Variants in SKP2 observed in about 807,000 individuals in gnomAD.
SKP2 encodes the protein S-phase kinase associated protein 2.
Under a neutral mutation model 51.8 loss-of-function variants are expected in SKP2, and 16 were observed. The observed-to-expected ratio is 0.31, with a 90% confidence interval of 0.21 to 0.47. The LOEUF (loss-of-function observed/expected upper bound fraction) is 0.47, where lower values mean the gene tolerates loss of function less well. Ranked by LOEUF, SKP2 falls within the 20% of genes least tolerant of loss-of-function variation. The pLI is 1.00. For synonymous variants in SKP2, 176 were observed against 198.6 expected, an observed-to-expected ratio of 0.89 and a Z score of 0.96; for missense variants, 377 against 505.3, an observed-to-expected ratio of 0.75 and a Z score of 2.43.
At chr5:36,192,234 T>C (rs1746044142) in intron 6 of SKP2, among the ~76,000 whole-genome samples, 1 of 152,178 alleles carries the variant, frequency 6.6e-6, no homozygotes, top group Admixed American at 6.5e-5. Context: ...AAGTCAAGAA[T>C]AAAATGCCTT....
Position 36,184,054 on chromosome 5 carries a change from C to A in SKP2, c.*2023C>A. On this transcript the variant is annotated 3_prime_UTR_variant, in exon 10 of 10. Transcript: ENST00000274255. ...ATGAGTGCTTAAACTAAGTTGTATT[C>A]CTTTTTTCTTTCTCTTTTTTTAAGT... is the stretch of plus-strand genomic sequence containing the variant. The A allele has an allele frequency of 9.8e-7, 1 of 1,018,296 alleles. No homozygotes were observed. The highest frequency in any genetic ancestry group is 1.5e-6 in the Non-Finnish European group (1 of 688,066). The allele number at this position is 1,018,296 out of a possible 1,614,324, so 63.1% of individuals were successfully genotyped here.
intron 3 of SKP2, among the ~76,000 whole-genome samples, chr5:36,164,252 GA>G (rs1200885426): frequency 6.6e-6 from 1 of 152,172 alleles, no homozygotes; most frequent in East Asian, 1.9e-4. Flanking sequence ...TTATGAGGAG[GA>G]AACCACTGGT....
downstream of SKP2, among the ~76,000 whole-genome samples, chr5:36,188,725 G>A (rs925578441): frequency 6.6e-6 from 1 of 152,066 alleles, no homozygotes; most frequent in Non-Finnish European, 1.5e-5. Flanking sequence ...TGCTCTTCTC[G>A]AGGAGTTTCT....
At chr5:36,155,593 TTTAATA>T (rs1289519865) in intron 2 of SKP2, among the ~76,000 whole-genome samples, 1 of 152,232 alleles carries the variant, frequency 6.6e-6, no homozygotes, top group African/African-American at 2.4e-5. Context: ...ATCTTTTGTT[TTTAATA>T]TTGTTACTCT....
At chr5:36,156,217 G>A (rs1381923776) in intron 2 of SKP2, among the ~76,000 whole-genome samples, 2 of 152,182 alleles carry the variant, frequency 1.3e-5, no homozygotes, top group East Asian at 3.9e-4. Flanking sequence ...TGCAGGATGA[G>A]GGACAGCTGG....
chr5:36,157,935 A>G (rs1745004492), intron 2 of SKP2, among the ~76,000 whole-genome samples: 1 of 152,234 alleles, frequency 6.6e-6, no homozygotes, highest in Non-Finnish European at 1.5e-5. Context: ...AAACTCTCCA[A>G]CAAGGCCCTC....
At chr5:36,159,323 C>T (rs1438753144) in intron 2 of SKP2, among the ~76,000 whole-genome samples, 2 of 152,204 alleles carry the variant, frequency 1.3e-5, no homozygotes, top group Admixed American at 1.3e-4. Flanking sequence ...GCTGCTACTG[C>T]TCTTTTAATT....
chr5:36,192,831 G>T (rs1746066848), intron 7 of SKP2: 1 of 152,092 alleles, frequency 6.6e-6, no homozygotes, highest in African/African-American at 2.4e-5. Flanking sequence ...GTGAAAACTA[G>T]TTTTCAAATA....
intron 3 of SKP2, 106 bp from the exon 4 acceptor site, chr5:36,166,413 C>T: frequency 1.1e-6 from 1 of 921,082 alleles, no homozygotes; most frequent in South Asian, 1.7e-5. Context: ...TTAGAATATG[C>T]TTCAAGGAGA....
At chr5:36,180,139 C>T (rs186713221) in intron 9 of SKP2, 95 of 519,738 alleles carry the variant, frequency 1.8e-4, no homozygotes, top group African/African-American at 1.8e-3. Context: ...TCTTACTCCA[C>T]CTACAGTTTC....
Position 36,182,442 on chromosome 5 carries a change from G to C in SKP2, c.*411G>C. The C allele has an allele frequency of 1.0e-6, 1 of 991,608 alleles. No homozygotes were observed. Among genetic ancestry groups the C allele is most frequent in the Non-Finnish European group, 1.2e-6 (1 of 832,184 alleles). 61.4% of individuals were successfully genotyped at this position (991,608 alleles called of 1,614,324 possible). A position where few individuals can be genotyped will look rare whatever the true frequency, so the allele number is the denominator to read the frequency against. ...TTAATTTTATAGTATTGCTTTATAAGACAGCTTAGAAGAACAATAAGCTAT... is the reference window on the plus strand; with the variant it reads ...TTAATTTTATAGTATTGCTTTATAACACAGCTTAGAAGAACAATAAGCTAT... On this transcript the variant is annotated 3_prime_UTR_variant, in exon 10 of 10. Coordinates refer to ENST00000274255, the MANE Select transcript of SKP2 (RefSeq NM_005983.4).
In SKP2 at chr5:36,152,907, G is replaced by C. The variant is rs769832982; in HGVS notation, c.145G>C (p.Glu49Gln). The stretch of plus-strand genomic sequence containing the variant: ...CCTGGAGAAAGAGGAGCCCGACAGT[G>C]AGAACATCCCCCAGGAACTGCTCTC... ...SALEKEEPDS[E>Q]NIPQELLSNL... is the part of the protein sequence containing the mutation. The change falls in exon 2 of 10, where the codon GAG becomes CAG. Residue 49 changes from glutamate to glutamine, a missense_variant. This residue lies in a region of SKP2 where 115 missense variants were observed against 115.5 expected (regional missense o/e 1.00). Transcript: ENST00000274255. The C allele has an allele frequency of 6.2e-7, 1 of 1,614,120 alleles. No individual in the cohort carries two copies.
chr5:36,160,751 G>A (rs1455279151), intron 2 of SKP2, among the ~76,000 whole-genome samples: 1 of 152,196 alleles, frequency 6.6e-6, no homozygotes, highest in Non-Finnish European at 1.5e-5. Context: ...CAGGGCAAGA[G>A]CCTGGTTTGA....
intron 7 of SKP2, among the ~76,000 whole-genome samples, chr5:36,172,964 A>G (rs1318731960): frequency 6.6e-6 from 1 of 152,172 alleles, no homozygotes; most frequent in Admixed American, 6.5e-5. Flanking sequence ...GTCATTTAAA[A>G]AAAATGTAAA....
chr5:36,164,526 T>A (rs557556016), intron 3 of SKP2, among the ~76,000 whole-genome samples: 1 of 152,232 alleles, frequency 6.6e-6, no homozygotes, highest in East Asian at 1.9e-4. Flanking sequence ...CTTTGCTTTG[T>A]GTTTAAAGGC....
chr5:36,172,837 C>G (rs1745516576), intron 7 of SKP2, among the ~76,000 whole-genome samples: 1 of 152,034 alleles, frequency 6.6e-6, no homozygotes, highest in Non-Finnish European at 1.5e-5. Context: ...CATTTTCAGA[C>G]AAGGTGAACA....
intron 5 of SKP2, among the ~76,000 whole-genome samples, chr5:36,169,756 C>G (rs1745408854): frequency 6.6e-6 from 1 of 152,108 alleles, no homozygotes; most frequent in Non-Finnish European, 1.5e-5. Context: ...ATCTTGTTTC[C>G]TTTTTATAGT....
At chr5:36,165,957 C>T (rs1329202483) in intron 3 of SKP2, among the ~76,000 whole-genome samples, 1 of 152,140 alleles carries the variant, frequency 6.6e-6, no homozygotes. Flanking sequence ...CATACATATA[C>T]ACGTGTATGT....
downstream of SKP2, among the ~76,000 whole-genome samples, chr5:36,187,113 G>A (rs187206886): frequency 4.8e-4 from 72 of 151,186 alleles, 1 homozygote; most frequent in Middle Eastern, 0.01. Flanking sequence ...TTTTTATTGC[G>A]TTTGATTCTT....
Sources: allele counts gnomAD v4.1 joint callset (sites outside exome capture counted in the v4.1 genomes callset), GRCh38; gene constraint gnomAD v4.1.1; regional missense constraint gnomAD v4.1.1; transcripts MANE v1.5; gene names NCBI Gene and HGNC (gene_info 2026-07-23, HGNC 2026-07-21).